The following KIAA0825 variants were observed in gnomAD, a reference collection of about 807,000 sequenced individuals.
The protein encoded by KIAA0825 is uncharacterized protein KIAA0825.
Under a neutral mutation model 147.6 loss-of-function variants are expected in KIAA0825, and 119 were observed. The ratio of observed to expected loss-of-function variants is 0.81; its 90% CI spans 0.69 to 0.94. The LOEUF (loss-of-function observed/expected upper bound fraction) is 0.94, where lower values mean the gene tolerates loss of function less well. Among genes scored for constraint, KIAA0825 ranks in the 40% least tolerant of loss-of-function variants. KIAA0825 has a pLI of 0.00. For synonymous variants in KIAA0825, 470 were observed against 518.1 expected (o/e 0.91, Z 1.26); for missense variants, 1,381 against 1,472.7 (o/e 0.94, Z 1.02).
At chr5:94,473,584 T>C (rs1761480615) in intron 7 of KIAA0825, 65 bp from the exon 8 acceptor site, 1 of 1,004,848 alleles carries the variant, frequency 1.0e-6, no homozygotes, top group Non-Finnish European at 1.5e-6. Flanking sequence ...TCTATTGTTA[T>C]AGATATAAAA....
chr5:94,604,380 G>A (rs567918526), intron 1 of KIAA0825, among the ~76,000 whole-genome samples: 12 of 152,234 alleles, frequency 7.9e-5, no homozygotes, highest in South Asian at 4.1e-4. Flanking sequence ...CCAACATGGC[G>A]AAACCCTGTC....
intron 2 of KIAA0825, among the ~76,000 whole-genome samples, chr5:94,574,562 A>G (rs866614744): frequency 1.8e-3 from 271 of 149,772 alleles, no homozygotes; most frequent in Non-Finnish European, 3.1e-3. Flanking sequence ...AAAAAAAAAA[A>G]AAAGAAAAAA....
In KIAA0825 at chr5:94,537,025, A is replaced by C. The variant is rs1772170015; in HGVS notation, c.102T>G (p.Ile34Met). The change falls in exon 3 of 21, where the codon ATT becomes ATG. Residue 34 changes from isoleucine to methionine, a missense_variant. By Grantham distance (10) the Ile-to-Met change is conservative (BLOSUM62 1). Coordinates refer to ENST00000682413, the MANE Select transcript of KIAA0825 (RefSeq NM_001145678.3). ...DLEFEQIFSD[I>M]DEKIEQNAAS... ...CAGCATTTTGTTCAATCTTTTCATC[A>C]ATGTCACTGAAGATCTGCTCAAACT... is the stretch of plus-strand genomic sequence containing the variant. 6.2e-7 allele frequency: 1 copy of C among 1,605,282 alleles called. No individual in the cohort carries two copies. The highest frequency in any genetic ancestry group is 1.3e-5 in the African/African-American group (1 of 74,728).
At chr5:94,180,688 C>T (rs933302584) in intron 20 of KIAA0825, among the ~76,000 whole-genome samples, 9 of 151,984 alleles carry the variant, frequency 5.9e-5, no homozygotes, top group African/African-American at 1.2e-4. Flanking sequence ...ATTTTTGTCC[C>T]TTTTTAGGTA....
chr5:94,246,405 C>A (rs1452151655), intron 20 of KIAA0825, among the ~76,000 whole-genome samples: 1 of 152,086 alleles, frequency 6.6e-6, no homozygotes. Context: ...AGGTCTCCTC[C>A]ACTCCTTCTC....
chr5:94,369,292 A>T (rs1346979548), intron 20 of KIAA0825, among the ~76,000 whole-genome samples: 1 of 152,160 alleles, frequency 6.6e-6, no homozygotes, highest in African/African-American at 2.4e-5. Context: ...GGTGGGCCTG[A>T]TCATATCATT....
chr5:94,616,831 C>T (rs920533841), intron 1 of KIAA0825, among the ~76,000 whole-genome samples: 1 of 152,152 alleles, frequency 6.6e-6, no homozygotes, highest in Non-Finnish European at 1.5e-5. Context: ...TCAAGTTTTG[C>T]TATCCACTTG....
chr5:94,334,466 C>A (rs1037180232), intron 20 of KIAA0825, among the ~76,000 whole-genome samples: 7 of 152,058 alleles, frequency 4.6e-5, no homozygotes, highest in African/African-American at 1.7e-4. Context: ...GATTTCACAA[C>A]CGACTTTTAA....
intron 20 of KIAA0825, among the ~76,000 whole-genome samples, chr5:94,166,594 G>A (rs1205657864): frequency 3.0e-5 from 4 of 134,758 alleles, no homozygotes; most frequent in African/African-American, 5.5e-5. Context: ...TGCAAACTCC[G>A]CCTCCCGGGT....
At chr5:94,510,842 T>A (rs1766374456) in intron 5 of KIAA0825, among the ~76,000 whole-genome samples, 1 of 152,260 alleles carries the variant, frequency 6.6e-6, no homozygotes, top group Admixed American at 6.5e-5. Context: ...TATAAATGTC[T>A]GTGCAGAGAA....
intron 6 of KIAA0825, among the ~76,000 whole-genome samples, chr5:94,479,216 A>C (rs1238427037): frequency 6.6e-6 from 1 of 152,074 alleles, no homozygotes; most frequent in Non-Finnish European, 1.5e-5. Flanking sequence ...AATAGTGTCC[A>C]TGCTTTAAAA....
chr5:94,360,806 C>T (rs889033125), intron 20 of KIAA0825, among the ~76,000 whole-genome samples: 1 of 152,210 alleles, frequency 6.6e-6, no homozygotes, highest in Non-Finnish European at 1.5e-5. Context: ...TCAGAGGCTG[C>T]TCTTCCTATG....
At chr5:94,259,901 T>C (rs1014451277) in intron 20 of KIAA0825, among the ~76,000 whole-genome samples, 4 of 152,012 alleles carry the variant, frequency 2.6e-5, no homozygotes, top group Non-Finnish European at 5.9e-5. Context: ...ATGCCATTAA[T>C]GGGCCATGTG....
intron 16 of KIAA0825, among the ~76,000 whole-genome samples, 193 bp from the exon 17 acceptor site, chr5:94,396,702 T>G (rs937467831): frequency 1.8e-4 from 26 of 143,812 alleles, no homozygotes; most frequent in Non-Finnish European, 3.1e-4. Flanking sequence ...TCAAAATCTG[T>G]TTTTTTTTTT....
intron 2 of KIAA0825, among the ~76,000 whole-genome samples, chr5:94,578,947 T>C (rs1362888405): frequency 6.6e-6 from 1 of 151,984 alleles, no homozygotes; most frequent in Non-Finnish European, 1.5e-5. Context: ...TGAGACAGAG[T>C]CAGACTCTGT....
At chr5:94,564,243 G>T (rs1778143165) in intron 2 of KIAA0825, among the ~76,000 whole-genome samples, 2 of 140,746 alleles carry the variant, frequency 1.4e-5, no homozygotes, top group Non-Finnish European at 1.5e-5. Context: ...TGCAGACAAG[G>T]TCTCATTCTG....
chr5:94,337,805 T>C (rs1371885867), intron 20 of KIAA0825, among the ~76,000 whole-genome samples: 1 of 152,178 alleles, frequency 6.6e-6, no homozygotes, highest in East Asian at 1.9e-4. Flanking sequence ...GCAGGGCAGC[T>C]CATGCAGGAG....
chr5:94,591,113 C>T (rs886594071), intron 1 of KIAA0825, among the ~76,000 whole-genome samples: 16 of 152,074 alleles, frequency 1.1e-4, no homozygotes, highest in Admixed American at 2.0e-4. Flanking sequence ...GAAATATAAA[C>T]CCACAAAAAT....
chr5:94,457,296 G>A (rs1373328795), intron 12 of KIAA0825, among the ~76,000 whole-genome samples: 2 of 152,148 alleles, frequency 1.3e-5, no homozygotes, highest in African/African-American at 4.8e-5. Flanking sequence ...AATTCATAGT[G>A]GAGAGTAAAA....
Sources: gnomAD v4.1 joint callset for allele counts (sites outside exome capture counted in the v4.1 genomes callset) on GRCh38, gnomAD v4.1.1 for gene constraint, MANE v1.5 for transcripts, NCBI Gene and HGNC (gene_info 2026-07-23, HGNC 2026-07-21) for gene names.